ARMC8: variants seen among roughly 807,000 people sequenced by gnomAD.
ARMC8 encodes armadillo repeat containing 8.
In ARMC8, 20 loss-of-function variants were observed where a neutral mutation model predicts 99.3. The observed-to-expected ratio is 0.20, with a 90% CI of 0.14 to 0.29. The LOEUF (loss-of-function observed/expected upper bound fraction) is 0.29, where lower values mean the gene tolerates loss of function less well. Ranked by LOEUF, ARMC8 falls within the 10% of genes least tolerant of loss-of-function variation. The probability of loss-of-function intolerance (pLI) is 1.00; values close to 1 mark genes in which losing one functional copy is unlikely to be tolerated. For missense variants in ARMC8, 569 were observed against 809.5 expected, an observed-to-expected ratio of 0.70 and a Z score of 3.60; for synonymous variants, 263 against 278.3, an observed-to-expected ratio of 0.95 and a Z score of 0.55.
rs1239852543 is a variant in ARMC8, at chr3:138,296,570, GGCTATAGTTGGCCTGATTAACAGGCAC to G, written c.*679_*705del. 6.6e-6 allele frequency: 1 copy of G among 152,008 alleles called. No individual in the cohort carries two copies. The highest frequency in any genetic ancestry group is 1.9e-4 in the East Asian group (1 of 5,192). The allele number at this position is 152,008 out of a possible 1,614,324, so 9.4% of individuals were successfully genotyped here. ...AAAAAAGAAAAAAAAAGAAAAAGTT[GGCTATAGTTGGCCTGATTAACAGGCAC>G]TATACATGGTGCTGTGCAAAATAGT... On this transcript the variant is annotated 3_prime_UTR_variant, in exon 22 of 22. Coordinates refer to ENST00000469044, the MANE Select transcript of ARMC8 (RefSeq NM_001363941.2).
chr3:138,274,259 G>C (rs887060118), intron 17 of ARMC8, among the ~76,000 whole-genome samples, 190 bp from the exon 18 acceptor site: 1 of 151,166 alleles, frequency 6.6e-6, no homozygotes, highest in Non-Finnish European at 1.5e-5. Flanking sequence ...GTGTGTGTGT[G>C]TATGACATAT....
At chr3:138,272,503 T>C (rs1342735693) in intron 16 of ARMC8, among the ~76,000 whole-genome samples, 1 of 152,134 alleles carries the variant, frequency 6.6e-6, no homozygotes, top group African/African-American at 2.4e-5. Flanking sequence ...CGGACAGAAA[T>C]ATAGGTGATT....
chr3:138,259,406 C>T (rs370861240), intron 12 of ARMC8, among the ~76,000 whole-genome samples: 46 of 152,294 alleles, frequency 3.0e-4, no homozygotes, highest in Non-Finnish European at 5.4e-4. Flanking sequence ...CATACACAGA[C>T]GGTCTCCATG....
chr3:138,256,441 G>A lies in ARMC8; in HGVS notation c.1135-7298G>A, dbSNP rs1306197280. ...TTTTTTTTTTTTGAGACGGAGTCTC[G>A]CTCTTTTCGCCCAGGCCGGAGTGCA... On this transcript the variant is annotated intron_variant, in intron 12 of 21. Coordinates refer to ENST00000469044, the MANE Select transcript of ARMC8 (RefSeq NM_001363941.2). Among the ~76,000 whole-genome samples the A allele has an allele frequency of 1.4e-4, 16 of 116,846 alleles. No homozygotes were observed. In the East Asian group the frequency reaches 3.1e-3, roughly 23 times the overall value. The allele number at this position is 116,846 out of a possible 152,430, so 76.7% of individuals were successfully genotyped here. A position where few individuals can be genotyped will look rare whatever the true frequency, so the allele number is the denominator to read the frequency against.
chr3:138,244,235 A>G (rs1460148516), intron 11 of ARMC8, among the ~76,000 whole-genome samples: 1 of 151,956 alleles, frequency 6.6e-6, no homozygotes, highest in African/African-American at 2.4e-5. Context: ...CATTTTCACA[A>G]TGGGTTCTCT....
At chr3:138,259,560 T>C (rs1487412614) in intron 12 of ARMC8, among the ~76,000 whole-genome samples, 1 of 152,210 alleles carries the variant, frequency 6.6e-6, no homozygotes, top group African/African-American at 2.4e-5. Context: ...GATTCAAGCA[T>C]GCTTTCTAGA....
In ARMC8 at chr3:138,270,161, C is replaced by T. The variant is rs183452792; in HGVS notation, c.1479+29C>T. On this transcript the variant is annotated intron_variant, in intron 16 of 21. Coordinates refer to ENST00000469044, the MANE Select transcript of ARMC8 (RefSeq NM_001363941.2). ...CGTTTCACTTTTATATATATCATAA[C>T]TTACAAAAGGAATACAGCTATTGTC... 4.7e-3 allele frequency: 6,767 copies of T among 1,449,256 alleles called. 30 individuals carry two copies. Among genetic ancestry groups the T allele is most frequent in the Non-Finnish European group, 5.2e-3 (5,394 of 1,031,652 alleles). 89.8% of individuals were successfully genotyped at this position (1,449,256 alleles called of 1,614,324 possible).
intron 17 of ARMC8, among the ~76,000 whole-genome samples, chr3:138,273,361 G>A (rs1160181191): frequency 6.6e-6 from 1 of 152,088 alleles, no homozygotes; most frequent in Non-Finnish European, 1.5e-5. Flanking sequence ...CTAATCCCTG[G>A]AACAGAGGAA....
intron 9 of ARMC8, 40 bp from the exon 10 acceptor site, chr3:138,239,428 A>G: frequency 6.7e-7 from 1 of 1,491,050 alleles, no homozygotes. Flanking sequence ...TAAAGCTTTA[A>G]ACTCCAAGCA....
intron 2 of ARMC8, among the ~76,000 whole-genome samples, chr3:138,215,542 G>A (rs537635137): frequency 1.2e-4 from 18 of 152,128 alleles, no homozygotes; most frequent in Middle Eastern, 3.4e-3. Flanking sequence ...TGTATAAAGC[G>A]CTTAACTGCA....
At chr3:138,273,192 T>C (rs553839789) in intron 17 of ARMC8, 76 bp downstream of exon 17, 2 of 1,417,564 alleles carry the variant, frequency 1.4e-6, no homozygotes, top group East Asian at 2.4e-5. Flanking sequence ...CTCTCTGTGC[T>C]CTCATTAACA....
Position 138,237,263 on chromosome 3 carries a change from T to C in ARMC8, c.610-46T>C, listed in dbSNP as rs773043760. The C allele has an allele frequency of 2.6e-6, 4 of 1,546,568 alleles. No homozygotes were observed. The East Asian group carries it at 9.0e-5, about 35-fold the overall frequency. On this transcript the variant is annotated intron_variant, in intron 7 of 21. Coordinates refer to ENST00000469044, the MANE Select transcript of ARMC8 (RefSeq NM_001363941.2). ...AGATTCTGAGACATTAAAATTTGCA[T>C]TTGCAGAATTAAACACATTTTTTGT...
chr3:138,297,299 A>G lies in ARMC8; in HGVS notation c.*1407A>G, dbSNP rs2051569469. 6.6e-6 allele frequency: 1 copy of G among 152,158 alleles called. No homozygotes were observed. 9.4% of individuals were successfully genotyped at this position (152,158 alleles called of 1,614,324 possible). ...ACCCCTTAGCTTGGCCCCTGCTCCA[A>G]CTTCTGGGTCAGCAGCAAGGTGAAC... On this transcript the variant is annotated 3_prime_UTR_variant, in exon 22 of 22. Coordinates refer to ENST00000469044, the MANE Select transcript of ARMC8 (RefSeq NM_001363941.2).
chr3:138,284,157 C>G (rs1241421122), intron 18 of ARMC8, among the ~76,000 whole-genome samples: 1 of 152,130 alleles, frequency 6.6e-6, no homozygotes, highest in African/African-American at 2.4e-5. Flanking sequence ...ATAGTATGAC[C>G]TATACAAAAT....
In ARMC8 at chr3:138,235,114, A is replaced by T. The variant is rs746380488; in HGVS notation, c.609A>T (p.Lys203Asn). ...IAHLLTSLSY[K>N]VRMQALKCFS... ...ACCTACTAACCTCACTGTCCTACAA[A>T]GTAAGATGTTAAAAATTGTGGCCAG... The change falls in exon 7 of 22, where the codon AAA (lysine) becomes AAT (asparagine). Residue 203 changes from lysine (K) to asparagine (N), a missense_variant and splice_region_variant. By Grantham distance (94) the Lys-to-Asn change is moderately conservative. Transcript: ENST00000469044. 1 of 1,610,500 alleles carries T rather than the reference A, an allele frequency of 6.2e-7. No individual in the cohort carries two copies. Among genetic ancestry groups the T allele is most frequent in the Non-Finnish European group, 8.5e-7 (1 of 1,177,340 alleles).
intron 2 of ARMC8, among the ~76,000 whole-genome samples, chr3:138,216,850 C>T (rs1381581703): frequency 2.0e-5 from 3 of 152,142 alleles, no homozygotes; most frequent in Non-Finnish European, 4.4e-5. Flanking sequence ...AGAGCTGCTT[C>T]AGGTACGTGA....
chr3:138,222,867 G>A (rs753778282), intron 3 of ARMC8, among the ~76,000 whole-genome samples: 1 of 152,146 alleles, frequency 6.6e-6, no homozygotes, highest in Non-Finnish European at 1.5e-5. Context: ...GGGCTGGAGT[G>A]GAAATGAGAG....
intron 6 of ARMC8, 60 bp from the exon 7 acceptor site, chr3:138,234,974 G>T: frequency 2.2e-6 from 3 of 1,373,806 alleles, no homozygotes; most frequent in South Asian, 2.4e-5. Context: ...AGTAAATGTG[G>T]TTTTATTGGA....
intron 1 of ARMC8, among the ~76,000 whole-genome samples, chr3:138,208,538 C>T (rs1304183783): frequency 6.6e-6 from 1 of 152,202 alleles, no homozygotes. Context: ...TTGTGTAGTT[C>T]TCCAGAGTTA....
Sources: gnomAD v4.1 joint callset for allele counts (sites outside exome capture counted in the v4.1 genomes callset) on GRCh38, gnomAD v4.1.1 for gene constraint, MANE v1.5 for transcripts, NCBI Gene and HGNC (gene_info 2026-07-23, HGNC 2026-07-21) for gene names.